Variants in ARHGEF7 observed in about 807,000 individuals in gnomAD.
ARHGEF7 encodes the protein Rho guanine nucleotide exchange factor 7, also known as PAK-interacting exchange factor beta.
ARHGEF7 carries 33 observed loss-of-function variants against 109.8 expected under a neutral mutation model. That is an observed-to-expected ratio of 0.30 (90% CI 0.23 to 0.40). The LOEUF is 0.40. Ranked by LOEUF, ARHGEF7 falls within the 10% of genes least tolerant of loss-of-function variation. The pLI is 1.00. For missense variants in ARHGEF7, 938 were observed against 1,098.5 expected (o/e 0.85, Z 2.07); for synonymous variants, 458 against 424.6 (o/e 1.08, Z -0.97).
chr13:111,261,183 C>T (rs921150739), intron 8 of ARHGEF7, among the ~76,000 whole-genome samples: 4 of 151,818 alleles, frequency 2.6e-5, no homozygotes, highest in Non-Finnish European at 4.4e-5. Context: ...AATCAAGAGC[C>T]GTAGAGTGGC....
At chr13:111,185,852 C>T (rs2079190821) in intron 2 of ARHGEF7, among the ~76,000 whole-genome samples, 1 of 152,120 alleles carries the variant, frequency 6.6e-6, no homozygotes, top group South Asian at 2.1e-4. Context: ...ACCACTGTCT[C>T]TGGTGTCCTT....
intron 2 of ARHGEF7, among the ~76,000 whole-genome samples, chr13:111,175,010 A>G (rs2077998564): frequency 6.6e-6 from 1 of 152,236 alleles, no homozygotes; most frequent in African/African-American, 2.4e-5. Flanking sequence ...AGCATACAGC[A>G]GTGTGAATTT....
At chr13:111,115,934 T>C (rs942439046) in intron 1 of ARHGEF7, among the ~76,000 whole-genome samples, 1 of 145,142 alleles carries the variant, frequency 6.9e-6, no homozygotes, top group African/African-American at 2.6e-5. Flanking sequence ...GCGGCGGGGG[T>C]CCCCGGGAAG....
intron 1 of ARHGEF7, among the ~76,000 whole-genome samples, chr13:111,117,160 A>G (rs894354629): frequency 6.6e-6 from 1 of 152,240 alleles, no homozygotes; most frequent in African/African-American, 2.4e-5. Flanking sequence ...CCTAAGAGCA[A>G]AGCTTTAAGA....
At chr13:111,155,287 G>C (rs535462829) in intron 2 of ARHGEF7, among the ~76,000 whole-genome samples, 2 of 152,270 alleles carry the variant, frequency 1.3e-5, no homozygotes, top group Admixed American at 1.3e-4. Context: ...TTTTGCTATA[G>C]GTTTCTCGGA....
chr13:111,223,457 G>A (rs778343647), intron 5 of ARHGEF7, among the ~76,000 whole-genome samples: 3 of 152,176 alleles, frequency 2.0e-5, no homozygotes, highest in Non-Finnish European at 4.4e-5. Context: ...GAGTAAACAA[G>A]AACTGAAGTT....
chr13:111,115,427 A>C lies in ARHGEF7; in HGVS notation c.-100A>C. 1.1e-6 allele frequency: 1 copy of C among 915,102 alleles called. No homozygotes were observed. The highest frequency in any genetic ancestry group is 1.3e-6 in the Non-Finnish European group (1 of 769,636). 56.7% of individuals were successfully genotyped at this position (915,102 alleles called of 1,614,324 possible). ...GCCAATCGCCGGCGCCGGCCGCTCG[A>C]TGGGCGAGGCGGCGGCGGCGGCGGC... On this transcript the variant is annotated 5_prime_UTR_variant, in exon 1 of 22. An upstream start codon of the reference 5' UTR is lost. Transcript: ENST00000646102.
intron 7 of ARHGEF7, 75 bp from the exon 8 acceptor site, chr13:111,244,124 A>G: frequency 7.9e-7 from 1 of 1,273,330 alleles, no homozygotes; most frequent in Non-Finnish European, 1.1e-6. Context: ...CTTCAATAGG[A>G]CATTGGGATG....
intron 2 of ARHGEF7, among the ~76,000 whole-genome samples, chr13:111,181,456 A>G (rs933209553): frequency 2.0e-5 from 3 of 152,188 alleles, no homozygotes; most frequent in African/African-American, 7.2e-5. Context: ...AGATGGGACA[A>G]AGTCATGAGA....
chr13:111,267,803 A>T, intron 9 of ARHGEF7, 133 bp downstream of exon 9: 7 of 1,135,320 alleles, frequency 6.2e-6, no homozygotes, highest in Non-Finnish European at 8.5e-6. Context: ...CCTCAAAATT[A>T]GTGCTTGAGA....
chr13:111,262,572 G>A (rs1026797452), intron 8 of ARHGEF7, among the ~76,000 whole-genome samples: 20 of 152,316 alleles, frequency 1.3e-4, no homozygotes, highest in African/African-American at 2.2e-4. Context: ...CTGTCTTCAT[G>A]GGCATCTCAG....
intron 2 of ARHGEF7, chr13:111,159,028 T>C (rs375932236): frequency 1.4e-6 from 1 of 718,502 alleles, no homozygotes; most frequent in South Asian, 1.5e-5. Context: ...CCTGTCTAGC[T>C]CCTGTTTCCT....
chr13:111,245,651 C>T (rs2088695564), intron 8 of ARHGEF7, among the ~76,000 whole-genome samples: 1 of 152,178 alleles, frequency 6.6e-6, no homozygotes, highest in African/African-American at 2.4e-5. Context: ...CCCTCATCTC[C>T]TCTGCAAAAC....
intron 19 of ARHGEF7, chr13:111,294,109 G>T: frequency 1.0e-6 from 1 of 985,452 alleles, no homozygotes; most frequent in East Asian, 1.1e-4. Context: ...TCAGAGCCCA[G>T]TGTTAATCTC....
At chr13:111,127,259 T>C (rs2067630765) in intron 1 of ARHGEF7, among the ~76,000 whole-genome samples, 1 of 152,226 alleles carries the variant, frequency 6.6e-6, no homozygotes, top group Non-Finnish European at 1.5e-5. Flanking sequence ...AATTTGTAGA[T>C]AAAATTCTTC....
chr13:111,165,190 C>T (rs1418619955), intron 2 of ARHGEF7, among the ~76,000 whole-genome samples: 1 of 152,216 alleles, frequency 6.6e-6, no homozygotes, highest in Non-Finnish European at 1.5e-5. Context: ...AAGGTTCCTT[C>T]AAAGCCTGAA....
intron 2 of ARHGEF7, among the ~76,000 whole-genome samples, chr13:111,167,826 C>T (rs1341925503): frequency 1.3e-5 from 2 of 152,188 alleles, no homozygotes; most frequent in Non-Finnish European, 2.9e-5. Context: ...TGCCTATTTC[C>T]ACTGAGAATG....
Position 111,273,951 on chromosome 13 carries a change from A to G in ARHGEF7, c.1211A>G (p.Glu404Gly). 1 of 1,614,088 alleles carries G rather than the reference A, an allele frequency of 6.2e-7. No individual in the cohort carries two copies. Among genetic ancestry groups the G allele is most frequent in the Non-Finnish European group, 8.5e-7 (1 of 1,179,948 alleles). Residue 404 changes from glutamate to glycine, a missense_variant and splice_region_variant, in exon 10 of 22, where the codon GAG becomes GGG. Coordinates refer to ENST00000646102, the MANE Select transcript of ARHGEF7 (RefSeq NM_001354046.2). This position sits in a 1 kb window ranked among gnomAD's most constrained non-coding sequence, Gnocchi z 4.5. ...TLLKELERHM[E>G]DYHTDRQDIQ... ...CTCAAAGAGCTCGAGAGACACATGG[A>G]GGTACTGCGCTTTCATTCTCTTACT...
intron 2 of ARHGEF7, chr13:111,182,398 A>G (rs1314231082): frequency 1.3e-5 from 2 of 152,426 alleles, no homozygotes; most frequent in African/African-American, 4.8e-5. Flanking sequence ...CATGTGTTGC[A>G]TACAAAAGGC....
Sources: gnomAD v4.1 joint callset for allele counts (sites outside exome capture counted in the v4.1 genomes callset) on GRCh38, gnomAD v4.1.1 for gene constraint, Gnocchi (gnomAD v3.1) non-coding constraint, MANE v1.5 for transcripts, NCBI Gene and HGNC (gene_info 2026-07-23, HGNC 2026-07-21) for gene names.